Variants in ABHD5 observed in about 807,000 individuals in gnomAD.
ABHD5 encodes 1-acylglycerol-3-phosphate O-acyltransferase ABHD5.
A neutral mutation model predicts 44.9 loss-of-function variants in ABHD5; 30 were observed. The observed-to-expected ratio is 0.67, with a 90% confidence interval of 0.50 to 0.91. The LOEUF is 0.91. Ranked by LOEUF, ABHD5 falls within the 40% of genes least tolerant of loss-of-function variation. The probability of loss-of-function intolerance (pLI) is 0.00; values close to 1 mark genes in which losing one functional copy is unlikely to be tolerated. For missense variants in ABHD5, 399 were observed against 423.4 expected, an observed-to-expected ratio of 0.94 and a Z score of 0.50; for synonymous variants, 167 against 147.0, an observed-to-expected ratio of 1.14 and a Z score of -0.99.
In ABHD5 at chr3:43,719,410, A is replaced by C. The variant is rs554350163; in HGVS notation, c.*878A>C. ...GGGGATATTAAGACTGTTACTTCCT[A>C]GTAAGCCAAGTAATACCATATTTTT... On this transcript the variant is annotated 3_prime_UTR_variant, in exon 7 of 7. Coordinates refer to ENST00000644371, the MANE Select transcript of ABHD5 (RefSeq NM_016006.6). 19 of 152,296 alleles carry C rather than the reference A, an allele frequency of 1.2e-4. No individual in the cohort carries two copies. Among genetic ancestry groups the C allele is most frequent in the African/African-American group, 4.6e-4 (19 of 41,580 alleles). The allele number at this position is 152,296 out of a possible 1,614,324, so 9.4% of individuals were successfully genotyped here. A position where few individuals can be genotyped will look rare whatever the true frequency, so the allele number is the denominator to read the frequency against.
chr3:43,713,371 G>C (rs1469394840), intron 4 of ABHD5, among the ~76,000 whole-genome samples: 2 of 151,764 alleles, frequency 1.3e-5, no homozygotes, highest in Non-Finnish European at 2.9e-5. Flanking sequence ...GAAAAGATGG[G>C]TTCTGTTAGT....
intron 3 of ABHD5, among the ~76,000 whole-genome samples, chr3:43,711,389 C>T: frequency 1.3e-5 from 2 of 152,172 alleles, no homozygotes; most frequent in East Asian, 3.8e-4. Context: ...CATCATCTGC[C>T]AGAGTGTAAC....
chr3:43,691,087 C>T (rs1383887640), intron 1 of ABHD5, 48 bp downstream of exon 1: 1 of 1,499,464 alleles, frequency 6.7e-7, no homozygotes, highest in South Asian at 1.3e-5. Context: ...CGCGCACCCT[C>T]CGCGCGGGCC....
At position 43,718,193 on chromosome 3, in the gene ABHD5, T is replaced by A. The variant is rs548126040; in HGVS notation, c.961-250T>A. Among the ~76,000 whole-genome samples, 6 of 152,348 alleles carry A rather than the reference T, an allele frequency of 3.9e-5. No individual in the cohort carries two copies. In the East Asian group the frequency reaches 1.2e-3, roughly 29 times the overall value. On this transcript the variant is annotated intron_variant, in intron 6 of 6. Transcript: ENST00000644371. Reference sequence around the variant, plus strand: ...CTTTTTTCAGTTTCTCTGTTGGCACTTTTATTAGTGGTCAATTTAGTGTTT... The same window carrying A: ...CTTTTTTCAGTTTCTCTGTTGGCACATTTATTAGTGGTCAATTTAGTGTTT...
chr3:43,699,587 T>G, intron 2 of ABHD5: 1 of 504,116 alleles, frequency 2.0e-6, no homozygotes, highest in Non-Finnish European at 3.6e-6. Context: ...CTTAAATTAG[T>G]AAGGACCCCA....
chr3:43,728,288 C>T (rs17075945), intron 7 of ABHD5, among the ~76,000 whole-genome samples: 3,942 of 152,268 alleles, frequency 0.026, 71 homozygotes, highest in South Asian at 0.091. Flanking sequence ...TTGGGAAAAT[C>T]AGTGTTCTAA....
chr3:43,708,723 A>T (rs2084652592), intron 3 of ABHD5, among the ~76,000 whole-genome samples: 1 of 152,360 alleles, frequency 6.6e-6, no homozygotes, highest in South Asian at 2.1e-4. Context: ...GAAGCAGATG[A>T]TATATAACTA....
At chr3:43,707,437 C>G (rs2084635006) in intron 3 of ABHD5, among the ~76,000 whole-genome samples, 1 of 152,080 alleles carries the variant, frequency 6.6e-6, no homozygotes, top group African/African-American at 2.4e-5. Flanking sequence ...CTACTTGATT[C>G]GAAGTTGGAG....
At chr3:43,716,850 G>A (rs183354603) in intron 5 of ABHD5, among the ~76,000 whole-genome samples, 4 of 152,140 alleles carry the variant, frequency 2.6e-5, no homozygotes, top group Non-Finnish European at 5.9e-5. Flanking sequence ...TTCATAAAAG[G>A]CAAGTTAGAA....
chr3:43,725,661 T>C (rs1049703180), downstream of ABHD5, among the ~76,000 whole-genome samples: 1 of 152,168 alleles, frequency 6.6e-6, no homozygotes, highest in Non-Finnish European at 1.5e-5. Flanking sequence ...GGCTAACAGA[T>C]GTGAAGGCTG....
chr3:43,729,055 C>A (rs925369488), intron 7 of ABHD5, among the ~76,000 whole-genome samples: 1 of 152,198 alleles, frequency 6.6e-6, no homozygotes, highest in Non-Finnish European at 1.5e-5. Flanking sequence ...CAAATATGAG[C>A]TTTTAAAGTT....
chr3:43,703,754 T>G (rs569335027), intron 3 of ABHD5, among the ~76,000 whole-genome samples: 7 of 127,716 alleles, frequency 5.5e-5, no homozygotes, highest in African/African-American at 2.0e-4. Flanking sequence ...TATGTACCTA[T>G]AAGATCTCCC....
At chr3:43,711,935 C>G (rs892777917) in intron 4 of ABHD5, 72 bp downstream of exon 4, 4 of 1,600,040 alleles carry the variant, frequency 2.5e-6, no homozygotes, top group Non-Finnish European at 3.4e-6. Flanking sequence ...TATTGTTAGT[C>G]AAAATCTTAA....
At chr3:43,698,752 C>T (rs1018338817) in intron 1 of ABHD5, among the ~76,000 whole-genome samples, 4 of 152,208 alleles carry the variant, frequency 2.6e-5, no homozygotes, top group African/African-American at 7.2e-5. Context: ...CAGCCTCCCA[C>T]ATTTGTGTTA....
Position 43,690,983 on chromosome 3 carries a change from G to A in ABHD5, c.-10G>A, listed in dbSNP as rs775961274. ...TCGAGATAAGTCCCGGCGCTTGCGC[G>A]GCGGCGGCTATGGCGGCGGAGGAGG... On this transcript the variant is annotated 5_prime_UTR_variant, in exon 1 of 7. Transcript: ENST00000644371. The A allele has an allele frequency of 4.5e-6, 7 of 1,571,132 alleles. No individual in the cohort carries two copies. Among genetic ancestry groups the A allele is most frequent in the Non-Finnish European group, 5.2e-6 (6 of 1,162,008 alleles).
chr3:43,702,443 A>T lies in ABHD5; in HGVS notation c.362A>T (p.Asp121Val), dbSNP rs371138384. The T allele has an allele frequency of 1.9e-6, 3 of 1,614,100 alleles. No homozygotes were observed. In the African/African-American group the frequency reaches 4.0e-5, roughly 22 times the overall value. Reference sequence around the variant, plus strand: ...GGACGAAGTAGTAGACCCAGGTTTGACAGTGATGCAGAAGAAGTGGAGAAT... The same window carrying T: ...GGACGAAGTAGTAGACCCAGGTTTGTCAGTGATGCAGAAGAAGTGGAGAAT... ...GFGRSSRPRF[D>V]SDAEEVENQF... Residue 121 changes from aspartate to valine, a missense_variant, in exon 3 of 7, where the codon GAC becomes GTC. Coordinates refer to ENST00000644371, the MANE Select transcript of ABHD5 (RefSeq NM_016006.6).
intron 7 of ABHD5, among the ~76,000 whole-genome samples, chr3:43,732,041 C>T (rs1697242461): frequency 2.0e-5 from 3 of 151,654 alleles, no homozygotes; most frequent in South Asian, 4.2e-4. Flanking sequence ...GTGGTGAGTG[C>T]GAGACAAAAC....
intron 1 of ABHD5, among the ~76,000 whole-genome samples, chr3:43,696,151 G>C (rs2084472083): frequency 6.6e-6 from 1 of 152,206 alleles, no homozygotes; most frequent in Non-Finnish European, 1.5e-5. Context: ...TATAGTTCCT[G>C]TGGTGAATGA....
intron 2 of ABHD5, among the ~76,000 whole-genome samples, chr3:43,699,981 C>T (rs376238127): frequency 6.6e-6 from 1 of 151,924 alleles, no homozygotes; most frequent in Admixed American, 6.6e-5. Context: ...TCAGGGACAC[C>T]CCCCCTGACT....
Sources: gnomAD v4.1 joint callset for allele counts (sites outside exome capture counted in the v4.1 genomes callset) on GRCh38, gnomAD v4.1.1 for gene constraint, MANE v1.5 for transcripts, NCBI Gene and HGNC (gene_info 2026-07-23, HGNC 2026-07-21) for gene names.